ARK2C: variants seen among roughly 807,000 people sequenced by gnomAD.
The protein encoded by ARK2C is E3 ubiquitin-protein ligase ARK2C.
the ARK2C span, among the ~76,000 whole-genome samples, chr18:46,432,263 C>T: frequency 6.6e-6 from 1 of 152,196 alleles, no homozygotes; most frequent in South Asian, 2.1e-4. Flanking sequence ...AGGACTAGAG[C>T]TCAAATTGAA....
At chr18:46,340,516 G>A in the ARK2C span, among the ~76,000 whole-genome samples, 21 of 152,190 alleles carry the variant, frequency 1.4e-4, no homozygotes, top group Admixed American at 7.9e-4. Context: ...TGAGGTTGAG[G>A]GAAGAATGCT....
the ARK2C span, among the ~76,000 whole-genome samples, chr18:46,448,156 C>G: frequency 6.6e-6 from 1 of 150,698 alleles, no homozygotes; most frequent in Non-Finnish European, 1.5e-5. Flanking sequence ...ACCCCCATGC[C>G]CTGACTCTCC....
the ARK2C span, among the ~76,000 whole-genome samples, chr18:46,348,578 A>C: frequency 6.6e-6 from 1 of 152,232 alleles, no homozygotes; most frequent in East Asian, 1.9e-4. Context: ...CAGAGAAAAG[A>C]GCAGAGTGGT....
the ARK2C span, among the ~76,000 whole-genome samples, chr18:46,390,455 G>A: frequency 2.0e-5 from 3 of 152,116 alleles, no homozygotes; most frequent in Non-Finnish European, 2.9e-5. Context: ...GTTTGAAGAC[G>A]GGTCACTGCT....
the ARK2C span, among the ~76,000 whole-genome samples, chr18:46,378,402 G>A: frequency 2.0e-5 from 3 of 152,178 alleles, no homozygotes; most frequent in Admixed American, 6.5e-5. Context: ...TTTCAGCCTG[G>A]GGCATGTCCT....
At chr18:46,459,035 C>T in the ARK2C span, 1 of 152,264 alleles carries the variant, frequency 6.6e-6, no homozygotes, top group Non-Finnish European at 1.5e-5. Context: ...CCCATTCTCT[C>T]CAATGGCTGG....
chr18:46,381,174 T>C, the ARK2C span, among the ~76,000 whole-genome samples: 25 of 152,306 alleles, frequency 1.6e-4, no homozygotes, highest in Middle Eastern at 3.4e-3. Context: ...GCATTGCTGT[T>C]TTTGTCAGCC....
chr18:46,341,136 A>G, the ARK2C span, among the ~76,000 whole-genome samples: 1 of 152,334 alleles, frequency 6.6e-6, no homozygotes, highest in East Asian at 1.9e-4. Flanking sequence ...GGAGTTAAGC[A>G]GCACGAGGTC....
At chr18:46,403,372 C>T in the ARK2C span, among the ~76,000 whole-genome samples, 1 of 152,048 alleles carries the variant, frequency 6.6e-6, no homozygotes, top group Non-Finnish European at 1.5e-5. Context: ...TCCCTGCCCC[C>T]GGAGAGAGCC....
the ARK2C span, among the ~76,000 whole-genome samples, chr18:46,409,399 G>A: frequency 1.3e-5 from 2 of 152,348 alleles, no homozygotes; most frequent in South Asian, 4.1e-4. Context: ...CCCATCTGCA[G>A]GTAAACGGTG....
chr18:46,417,791 G>T, the ARK2C span, among the ~76,000 whole-genome samples: 1 of 152,202 alleles, frequency 6.6e-6, no homozygotes. Context: ...ATCACCTGAG[G>T]TCAGGAGTTT....
chr18:46,363,647 A>T, the ARK2C span, among the ~76,000 whole-genome samples: 1 of 152,220 alleles, frequency 6.6e-6, no homozygotes, highest in Non-Finnish European at 1.5e-5. Flanking sequence ...GCAGCTGTCA[A>T]GTCACAGCCC....
the ARK2C span, among the ~76,000 whole-genome samples, chr18:46,358,649 G>A: frequency 6.6e-6 from 1 of 152,118 alleles, no homozygotes; most frequent in Non-Finnish European, 1.5e-5. Flanking sequence ...AGAATGAGCT[G>A]ATCCCTCTCT....
At chr18:46,366,970 T>C in the ARK2C span, among the ~76,000 whole-genome samples, 1 of 152,208 alleles carries the variant, frequency 6.6e-6, no homozygotes. Flanking sequence ...AGTCATCCCG[T>C]TGGACTTCTG....
At chr18:46,364,387 G>A in the ARK2C span, among the ~76,000 whole-genome samples, 1 of 143,346 alleles carries the variant, frequency 7.0e-6, no homozygotes, top group Non-Finnish European at 1.5e-5. Context: ...AACATGTTTT[G>A]GTGTGGTCTA....
At chr18:46,425,324 C>T in the ARK2C span, among the ~76,000 whole-genome samples, 20 of 152,238 alleles carry the variant, frequency 1.3e-4, no homozygotes, top group Non-Finnish European at 2.2e-4. Flanking sequence ...AGGCCTGCAA[C>T]AGGGACCCTG....
chr18:46,373,564 G>C, the ARK2C span, among the ~76,000 whole-genome samples: 1 of 152,240 alleles, frequency 6.6e-6, no homozygotes, highest in Non-Finnish European at 1.5e-5. Flanking sequence ...ACGAGAGACA[G>C]CACAGTGCCT....
chr18:46,406,020 G>C, the ARK2C span, among the ~76,000 whole-genome samples: 1 of 151,478 alleles, frequency 6.6e-6, no homozygotes, highest in Non-Finnish European at 1.5e-5. Flanking sequence ...ACATACCCCT[G>C]TGTGTGTGTA....
chr18:46,454,232 T>TGG, the ARK2C span, among the ~76,000 whole-genome samples: 1 of 131,730 alleles, frequency 7.6e-6, no homozygotes, highest in African/African-American at 2.9e-5. Context: ...TAAAGGAAAA[T>TGG]CATGAATAAT....
Sources: gnomAD v4.1 joint callset for allele counts (sites outside exome capture counted in the v4.1 genomes callset) on GRCh38, gnomAD v4.1.1 for gene constraint, MANE v1.5 for transcripts, NCBI Gene and HGNC (gene_info 2026-07-23, HGNC 2026-07-21) for gene names.